BMPR2: variants seen among roughly 807,000 people sequenced by gnomAD.
BMPR2 encodes the protein bone morphogenetic protein receptor type 2, also known as bone morphogenetic protein receptor type-2.
In BMPR2, 29 loss-of-function variants were observed where a neutral mutation model predicts 100.8. That is an observed-to-expected ratio of 0.29 (90% CI 0.21 to 0.39). The LOEUF is 0.39. Among genes scored for constraint, BMPR2 ranks in the 10% least tolerant of loss-of-function variants. The pLI, the probability that BMPR2 is intolerant of heterozygous loss-of-function variation, is 1.00. For missense variants in BMPR2, 1,011 were observed against 1,274.5 expected (o/e 0.79, Z 3.15); for synonymous variants, 382 against 442.3 (o/e 0.86, Z 1.71).
At chr2:202,522,389 C>T (rs186584514) in intron 7 of BMPR2, among the ~76,000 whole-genome samples, 52 of 151,996 alleles carry the variant, frequency 3.4e-4, no homozygotes, top group African/African-American at 1.2e-3. Context: ...CTTCTGTATT[C>T]CCAGCTACTG....
intron 2 of BMPR2, chr2:202,467,167 G>T (rs952776542): frequency 3.1e-6 from 1 of 322,792 alleles, no homozygotes; most frequent in South Asian, 2.7e-5. Context: ...GGAGGCTAAG[G>T]TAGGAGAATC....
chr2:202,391,065 C>T (rs1190792225), intron 1 of BMPR2, among the ~76,000 whole-genome samples: 2 of 143,072 alleles, frequency 1.4e-5, no homozygotes, highest in African/African-American at 5.3e-5. Context: ...CAACCTCTGC[C>T]TCCCGGGTTC....
intron 9 of BMPR2, among the ~76,000 whole-genome samples, chr2:202,542,034 C>T (rs1052057358): frequency 6.6e-6 from 1 of 151,564 alleles, no homozygotes; most frequent in African/African-American, 2.4e-5. Flanking sequence ...TCACTTGAAC[C>T]CGGGAGGCAG....
At position 202,475,909 on chromosome 2, in the gene BMPR2, A is replaced by G. The variant is rs996038455; in HGVS notation, c.418+8220A>G. 2.2e-5 allele frequency among the ~76,000 whole-genome samples: 3 copies of G among 136,328 alleles called. No homozygotes were observed. In the East Asian group the frequency reaches 5.8e-4, roughly 27 times the overall value. The allele number at this position is 136,328 out of a possible 152,430, so 89.4% of individuals were successfully genotyped here. ...AACATGGAGAAACCCCGTCTCTACT[A>G]AAAAAAAATGCAAAATTAGCCGGGC... On this transcript the variant is annotated intron_variant, in intron 3 of 12. Coordinates refer to ENST00000374580, the MANE Select transcript of BMPR2 (RefSeq NM_001204.7).
chr2:202,380,953 ATTTC>A (rs1574417654), intron 1 of BMPR2, among the ~76,000 whole-genome samples: 9 of 79,300 alleles, frequency 1.1e-4, no homozygotes, highest in Non-Finnish European at 2.2e-4. Flanking sequence ...CTGGCCCTGG[ATTTC>A]TTTCTTTCTT....
chr2:202,539,113 G>A (rs1434987366), intron 9 of BMPR2, among the ~76,000 whole-genome samples: 1 of 152,126 alleles, frequency 6.6e-6, no homozygotes, highest in African/African-American at 2.4e-5. Context: ...GATCAGAAAA[G>A]TAGTGAGAAA....
chr2:202,386,305 C>T (rs1690425525), intron 1 of BMPR2, among the ~76,000 whole-genome samples: 1 of 152,168 alleles, frequency 6.6e-6, no homozygotes, highest in Non-Finnish European at 1.5e-5. Flanking sequence ...GTCTGATATT[C>T]ATCACAAACT....
chr2:202,399,019 T>C (rs910534498), intron 1 of BMPR2, among the ~76,000 whole-genome samples: 3 of 152,018 alleles, frequency 2.0e-5, no homozygotes, highest in Admixed American at 6.6e-5. Context: ...CCCTAGCTAC[T>C]CGGGAGGCTG....
Position 202,388,414 on chromosome 2 carries a change from A to AC in BMPR2, c.76+10864_76+10865insC, listed in dbSNP as rs1469933937. Among the ~76,000 whole-genome samples the AC allele has an allele frequency of 6.0e-5, 9 of 150,674 alleles. No individual in the cohort carries two copies. The East Asian group carries it at 9.8e-4, about 16-fold the overall frequency. Reference sequence around the variant, plus strand: ...TCCATCTCAAAAAAAAAAAAAAAAAAAAAAAACATTGTTTGTCCATATACT... The same window carrying AC: ...TCCATCTCAAAAAAAAAAAAAAAAAACAAAAAACATTGTTTGTCCATATACT... On this transcript the variant is annotated intron_variant, in intron 1 of 12. Transcript: ENST00000374580.
chr2:202,388,420 A>AAAAAAAAT (rs1559022243), intron 1 of BMPR2, among the ~76,000 whole-genome samples: 1 of 148,568 alleles, frequency 6.7e-6, no homozygotes, highest in African/African-American at 2.5e-5. Flanking sequence ...AAAAAAAAAA[A>AAAAAAAAT]CATTGTTTGT....
intron 3 of BMPR2, among the ~76,000 whole-genome samples, chr2:202,512,898 A>G (rs1344133023): frequency 2.6e-5 from 4 of 152,042 alleles, no homozygotes; most frequent in Non-Finnish European, 5.9e-5. Context: ...AAAAATACCA[A>G]TATTGATAAG....
intron 1 of BMPR2, among the ~76,000 whole-genome samples, chr2:202,420,226 C>G (rs572406748): frequency 2.6e-5 from 4 of 152,030 alleles, no homozygotes; most frequent in Non-Finnish European, 5.9e-5. Context: ...ACAAAAGACT[C>G]TTGACCATCA....
chr2:202,442,523 T>A (rs1024033470), intron 1 of BMPR2, among the ~76,000 whole-genome samples: 4 of 150,436 alleles, frequency 2.7e-5, no homozygotes. Context: ...ACATGCACAT[T>A]GTTATGCAAC....
intron 1 of BMPR2, among the ~76,000 whole-genome samples, chr2:202,432,626 C>T (rs534412229): frequency 2.7e-5 from 4 of 150,408 alleles, no homozygotes; most frequent in South Asian, 2.1e-4. Flanking sequence ...GTTGCAGCCT[C>T]GCTCATTCTT....
At chr2:202,412,584 G>T (rs1691036239) in intron 1 of BMPR2, among the ~76,000 whole-genome samples, 4 of 152,176 alleles carry the variant, frequency 2.6e-5, no homozygotes, top group Non-Finnish European at 5.9e-5. Flanking sequence ...CTCCGAAAGT[G>T]CTGGGATTAC....
At position 202,444,427 on chromosome 2, in the gene BMPR2, G is replaced by C. The variant is rs1691810064; in HGVS notation, c.77-20382G>C. Among the ~76,000 whole-genome samples the C allele has an allele frequency of 2.0e-5, 3 of 150,364 alleles. 1 individual carries two copies. Among genetic ancestry groups the C allele is most frequent in the African/African-American group, 7.5e-5 (3 of 39,832 alleles). On this transcript the variant is annotated intron_variant, in intron 1 of 12. Transcript: ENST00000374580. ...ATCCGTAGATATTGAGAGAGATGAA[G>C]TGTTAAAGATAGTTTAATTCAACAA...
chr2:202,549,449 A>G (rs1688434862), intron 10 of BMPR2, among the ~76,000 whole-genome samples: 1 of 152,204 alleles, frequency 6.6e-6, no homozygotes, highest in African/African-American at 2.4e-5. Context: ...TTACTTAGGT[A>G]AATATCTAAG....
intron 1 of BMPR2, 121 bp downstream of exon 1, chr2:202,377,671 G>A (rs1306604654): frequency 5.0e-6 from 6 of 1,195,340 alleles, no homozygotes; most frequent in Non-Finnish European, 7.3e-6. Context: ...GCGGTGCAGC[G>A]GAGCTGCGAC....
chr2:202,381,613 G>A (rs1690294757), intron 1 of BMPR2, among the ~76,000 whole-genome samples: 1 of 152,200 alleles, frequency 6.6e-6, no homozygotes, highest in African/African-American at 2.4e-5. Context: ...TGGATATATA[G>A]TACTATTGCA....
Sources: allele counts gnomAD v4.1 joint callset (sites outside exome capture counted in the v4.1 genomes callset), GRCh38; gene constraint gnomAD v4.1.1; transcripts MANE v1.5; gene names NCBI Gene and HGNC (gene_info 2026-07-23, HGNC 2026-07-21).